Variants in CLYBL observed in about 807,000 individuals in gnomAD.
CLYBL encodes the protein citramalyl-CoA lyase.
In CLYBL, 31 loss-of-function variants were observed where a neutral mutation model predicts 38.9. The observed-to-expected ratio is 0.80, with a 90% CI of 0.60 to 1.08. The LOEUF is 1.08. Ranked by LOEUF, CLYBL falls within the 50% of genes least tolerant of loss-of-function variation. The pLI is 0.00. For missense variants in CLYBL, 434 were observed against 411.6 expected (o/e 1.05, Z -0.47); for synonymous variants, 171 against 158.6 (o/e 1.08, Z -0.59).
chr13:99,842,462 G>A (rs1407386840), intron 2 of CLYBL, among the ~76,000 whole-genome samples: 1 of 152,196 alleles, frequency 6.6e-6, no homozygotes, highest in Admixed American at 6.5e-5. Flanking sequence ...CTCGTTGTCT[G>A]TGAGTTGATT....
At chr13:99,666,373 A>T (rs2047481513) in intron 1 of CLYBL, among the ~76,000 whole-genome samples, 1 of 152,080 alleles carries the variant, frequency 6.6e-6, no homozygotes, top group Admixed American at 6.6e-5. Context: ...CTGCATGGGG[A>T]TGACTCGGTG....
chr13:99,744,261 C>T (rs1056246071), intron 1 of CLYBL, among the ~76,000 whole-genome samples: 12 of 152,200 alleles, frequency 7.9e-5, no homozygotes, highest in African/African-American at 2.6e-4. Flanking sequence ...CGTGAGCCAC[C>T]GCGCCCAGCT....
chr13:99,643,409 C>G (rs1295338429), intron 1 of CLYBL, among the ~76,000 whole-genome samples: 1 of 152,170 alleles, frequency 6.6e-6, no homozygotes, highest in Non-Finnish European at 1.5e-5. Flanking sequence ...CTCAGGTTTT[C>G]TGCCAATACC....
chr13:99,765,565 T>C (rs2049252537), intron 1 of CLYBL, among the ~76,000 whole-genome samples: 1 of 152,150 alleles, frequency 6.6e-6, no homozygotes, highest in Non-Finnish European at 1.5e-5. Context: ...TTTGTCTTTT[T>C]TCTTTCCTCC....
At chr13:99,767,527 C>T (rs1017247616) in intron 1 of CLYBL, among the ~76,000 whole-genome samples, 1 of 152,190 alleles carries the variant, frequency 6.6e-6, no homozygotes, top group African/African-American at 2.4e-5. Context: ...ATTATCTTTT[C>T]AAAATACTCT....
downstream of CLYBL, among the ~76,000 whole-genome samples, chr13:99,898,206 T>C (rs1040312861): frequency 7.9e-5 from 12 of 152,226 alleles, no homozygotes; most frequent in Non-Finnish European, 1.5e-4. Flanking sequence ...GGCTGGGTTC[T>C]GTTTTGTTTT....
chr13:99,886,312 C>T (rs2052348327), intron 7 of CLYBL, among the ~76,000 whole-genome samples: 1 of 152,208 alleles, frequency 6.6e-6, no homozygotes, highest in Non-Finnish European at 1.5e-5. Context: ...ACCAGAAATG[C>T]AAAATATATG....
chr13:99,668,549 G>T (rs1044110659), intron 1 of CLYBL, among the ~76,000 whole-genome samples: 2 of 144,742 alleles, frequency 1.4e-5, no homozygotes, highest in Non-Finnish European at 3.0e-5. Context: ...TTATGCCACT[G>T]CACTCCAGCC....
intron 1 of CLYBL, among the ~76,000 whole-genome samples, chr13:99,668,086 C>A (rs771861577): frequency 6.6e-6 from 1 of 151,860 alleles, no homozygotes; most frequent in Non-Finnish European, 1.5e-5. Flanking sequence ...ACAGCCTGGG[C>A]AACATGGTGA....
chr13:99,815,159 C>T (rs555437486), intron 2 of CLYBL, among the ~76,000 whole-genome samples: 3 of 152,216 alleles, frequency 2.0e-5, no homozygotes, highest in African/African-American at 7.2e-5. Context: ...ACAAAGGATC[C>T]CTCCGTGGAA....
At chr13:99,686,563 T>C (rs1449422323) in intron 1 of CLYBL, among the ~76,000 whole-genome samples, 1 of 152,122 alleles carries the variant, frequency 6.6e-6, no homozygotes, top group African/African-American at 2.4e-5. Context: ...TTGAGTGAAT[T>C]GTTGTTGGCT....
chr13:99,870,575 A>G (rs2139249212), intron 6 of CLYBL, among the ~76,000 whole-genome samples: 1 of 152,336 alleles, frequency 6.6e-6, no homozygotes, highest in South Asian at 2.1e-4. Flanking sequence ...ACTTCAACTC[A>G]AAATAATCCC....
At chr13:99,856,338 C>G (rs1360204675) in intron 2 of CLYBL, among the ~76,000 whole-genome samples, 2 of 152,164 alleles carry the variant, frequency 1.3e-5, no homozygotes, top group African/African-American at 4.8e-5. Flanking sequence ...TTCTTGAGCA[C>G]ACATGCAGAT....
chr13:99,811,518 G>C (rs1448459612), intron 2 of CLYBL, among the ~76,000 whole-genome samples: 6 of 152,184 alleles, frequency 3.9e-5, no homozygotes, highest in African/African-American at 1.2e-4. Flanking sequence ...CTGGAAACCT[G>C]CCCATCTGAT....
At chr13:99,803,797 G>A (rs529071796) in intron 2 of CLYBL, among the ~76,000 whole-genome samples, 1 of 152,282 alleles carries the variant, frequency 6.6e-6, no homozygotes, top group African/African-American at 2.4e-5. Context: ...CACATGAACT[G>A]TCAGGTAGTT....
At chr13:99,819,694 C>T (rs779307857) in intron 2 of CLYBL, among the ~76,000 whole-genome samples, 6 of 151,542 alleles carry the variant, frequency 4.0e-5, no homozygotes, top group East Asian at 3.9e-4. Flanking sequence ...CTGAAGGCCC[C>T]GCAGCCAGGA....
At chr13:99,682,803 CT>C (rs1312540338) in intron 1 of CLYBL, among the ~76,000 whole-genome samples, 2 of 151,860 alleles carry the variant, frequency 1.3e-5, no homozygotes, top group African/African-American at 4.8e-5. Context: ...GTGGCGTGAT[CT>C]TGGCTCACTG....
chr13:99,646,669 C>G (rs1334595961), intron 1 of CLYBL, among the ~76,000 whole-genome samples: 1 of 149,066 alleles, frequency 6.7e-6, no homozygotes, highest in Non-Finnish European at 1.5e-5. Flanking sequence ...CCCGCTACCA[C>G]ACCTGGCTAA....
chr13:99,691,885 A>G (rs1037496766), intron 1 of CLYBL, among the ~76,000 whole-genome samples: 4 of 152,214 alleles, frequency 2.6e-5, no homozygotes, highest in African/African-American at 9.6e-5. Flanking sequence ...GAAACAGCCC[A>G]GGGTGGTGGG....
Sources: gnomAD v4.1 joint callset for allele counts (sites outside exome capture counted in the v4.1 genomes callset) on GRCh38, gnomAD v4.1.1 for gene constraint, MANE v1.5 for transcripts, NCBI Gene and HGNC (gene_info 2026-07-23, HGNC 2026-07-21) for gene names.